CLDN16: variants seen among roughly 807,000 people sequenced by gnomAD.
CLDN16 encodes claudin 16, also known as claudin-16.
Under a neutral mutation model 24.6 loss-of-function variants are expected in CLDN16, and 13 were observed. The ratio of observed to expected loss-of-function variants is 0.53; its 90% CI spans 0.34 to 0.84. The LOEUF is 0.84. Ranked by LOEUF, CLDN16 falls within the 40% of genes least tolerant of loss-of-function variation. The pLI is 0.01. For synonymous variants in CLDN16, 116 were observed against 106.7 expected (o/e 1.09, Z -0.54); for missense variants, 298 against 292.7 (o/e 1.02, Z -0.13).
At chr3:190,302,038 T>C in the CLDN16 span, among the ~76,000 whole-genome samples, 1 of 152,242 alleles carries the variant, frequency 6.6e-6, no homozygotes, top group Non-Finnish European at 1.5e-5. Flanking sequence ...AAATACTATC[T>C]TCCTAGCTTA....
At chr3:190,356,447 C>G (rs896131827) in intron 1 of CLDN16, among the ~76,000 whole-genome samples, 1 of 151,750 alleles carries the variant, frequency 6.6e-6, no homozygotes, top group African/African-American at 2.4e-5. Flanking sequence ...GACTAATGTG[C>G]ATGTTGATGG....
At chr3:190,400,994 T>C (rs1024163878) in intron 1 of CLDN16, among the ~76,000 whole-genome samples, 1 of 152,188 alleles carries the variant, frequency 6.6e-6, no homozygotes, top group Non-Finnish European at 1.5e-5. Context: ...AAATGGATGA[T>C]AAATAATATC....
chr3:190,338,347 C>A (rs777481497), intron 1 of CLDN16, among the ~76,000 whole-genome samples: 1 of 152,158 alleles, frequency 6.6e-6, no homozygotes, highest in Non-Finnish European at 1.5e-5. Flanking sequence ...ATTGTGTACA[C>A]TAGGATATTT....
chr3:190,329,580 T>A (rs1560079597), intron 1 of CLDN16, among the ~76,000 whole-genome samples: 3 of 152,204 alleles, frequency 2.0e-5, no homozygotes. Flanking sequence ...AGATGCAATT[T>A]GGCTGTATTG....
At chr3:190,362,051 T>TCTAACCTGC (rs1717900614) in intron 1 of CLDN16, among the ~76,000 whole-genome samples, 1 of 106,102 alleles carries the variant, frequency 9.4e-6, no homozygotes, top group African/African-American at 4.2e-5. Context: ...GTCTAACCTG[T>TCTAACCTGC]GTAAATCAGA....
the CLDN16 span, chr3:190,308,295 G>T: frequency 2.5e-6 from 4 of 1,613,572 alleles, no homozygotes; most frequent in Non-Finnish European, 2.5e-6. Context: ...AGTCTTTCCC[G>T]CTGGAAGGTG....
chr3:190,374,001 A>G (rs1327684126), intron 2 of CLDN16, among the ~76,000 whole-genome samples: 1 of 151,890 alleles, frequency 6.6e-6, no homozygotes, highest in Non-Finnish European at 1.5e-5. Flanking sequence ...GAAACTTCTC[A>G]GTGGCTGAAG....
upstream of CLDN16, among the ~76,000 whole-genome samples, chr3:190,320,382 G>A (rs3774017): frequency 0.055 from 8,370 of 152,094 alleles, 330 homozygotes; most frequent in East Asian, 0.15. Flanking sequence ...GCCTGACACC[G>A]TTTCCTTAAA....
chr3:190,333,989 A>T (rs1241632716), intron 1 of CLDN16, among the ~76,000 whole-genome samples: 1 of 152,174 alleles, frequency 6.6e-6, no homozygotes, highest in East Asian at 1.9e-4. Flanking sequence ...AATTTGAGAC[A>T]AGGAGGAGGG....
At chr3:190,291,909 T>A in the CLDN16 span, among the ~76,000 whole-genome samples, 47 of 152,292 alleles carry the variant, frequency 3.1e-4, no homozygotes, top group Non-Finnish European at 7.4e-5. Context: ...ATGTCTCACG[T>A]CCAGGGCACA....
chr3:190,384,609 A>C (rs1442850249), upstream of CLDN16, among the ~76,000 whole-genome samples: 1 of 152,190 alleles, frequency 6.6e-6, no homozygotes, highest in Admixed American at 6.5e-5. Context: ...TTGCAAAATC[A>C]ATAGCCCTGG....
chr3:190,331,197 T>C (rs1280922478), intron 1 of CLDN16, among the ~76,000 whole-genome samples: 1 of 152,236 alleles, frequency 6.6e-6, no homozygotes, highest in Non-Finnish European at 1.5e-5. Context: ...GAGACCATCC[T>C]GGCTGGAATT....
the CLDN16 span, among the ~76,000 whole-genome samples, chr3:190,310,759 C>T: frequency 6.6e-6 from 1 of 152,042 alleles, no homozygotes; most frequent in African/African-American, 2.4e-5. Flanking sequence ...GACCAGAATA[C>T]CTGCATTACT....
intron 3 of CLDN16, among the ~76,000 whole-genome samples, chr3:190,407,741 A>G (rs1160810050): frequency 6.6e-6 from 1 of 152,210 alleles, no homozygotes; most frequent in Non-Finnish European, 1.5e-5. Flanking sequence ...TGAAAATAAA[A>G]ACATTTTTTA....
chr3:190,404,177 G>A (rs181061746), intron 2 of CLDN16, among the ~76,000 whole-genome samples: 123 of 152,166 alleles, frequency 8.1e-4, no homozygotes, highest in Non-Finnish European at 1.5e-3. Flanking sequence ...AAGAGAAAAT[G>A]ATCTAATTTC....
intron 1 of CLDN16, among the ~76,000 whole-genome samples, chr3:190,370,590 T>A (rs573329047): frequency 6.6e-6 from 1 of 152,084 alleles, no homozygotes; most frequent in East Asian, 1.9e-4. Flanking sequence ...ACCTACGTCA[T>A]GTGCAACCTG....
chr3:190,341,962 C>T (rs1209145449), intron 1 of CLDN16, among the ~76,000 whole-genome samples: 1 of 152,152 alleles, frequency 6.6e-6, no homozygotes, highest in Non-Finnish European at 1.5e-5. Context: ...CTCCAGTTCC[C>T]CAAAAGGTCC....
chr3:190,365,507 G>A (rs1415175118), intron 1 of CLDN16, among the ~76,000 whole-genome samples: 2 of 148,622 alleles, frequency 1.3e-5, no homozygotes, highest in African/African-American at 5.0e-5. Flanking sequence ...CATCTTCCGT[G>A]AAAGTTCTAG....
chr3:190,329,176 A>T (rs1377483844), intron 1 of CLDN16, among the ~76,000 whole-genome samples: 1 of 152,178 alleles, frequency 6.6e-6, no homozygotes, highest in Admixed American at 6.5e-5. Flanking sequence ...AACAAGCTGA[A>T]TAGTTTAGGG....
Sources: allele counts gnomAD v4.1 joint callset (sites outside exome capture counted in the v4.1 genomes callset), GRCh38; gene constraint gnomAD v4.1.1; transcripts MANE v1.5; gene names NCBI Gene and HGNC (gene_info 2026-07-23, HGNC 2026-07-21).